Variants in ATRNL1 observed in about 807,000 individuals in gnomAD.
ATRNL1 encodes the protein attractin like 1, also known as attractin-like protein 1.
Under a neutral mutation model 182.7 loss-of-function variants are expected in ATRNL1, and 95 were observed. The observed-to-expected ratio is 0.52, with a 90% CI of 0.44 to 0.62. ATRNL1 has a LOEUF of 0.62. ATRNL1 is among the 20% of genes least tolerant of loss of function. The probability of loss-of-function intolerance (pLI) is 0.00; values close to 1 mark genes in which losing one functional copy is unlikely to be tolerated. For missense variants in ATRNL1, 1,471 were observed against 1,679.5 expected (o/e 0.88, Z 2.17); for synonymous variants, 576 against 568.3 (o/e 1.01, Z -0.19).
At chr10:115,631,118 A>G (rs1401191209) in intron 26 of ATRNL1, among the ~76,000 whole-genome samples, 1 of 152,072 alleles carries the variant, frequency 6.6e-6, no homozygotes, top group Non-Finnish European at 1.5e-5. Context: ...AACGTTTCAT[A>G]TACTAGAATG....
chr10:115,713,467 T>TTTGTGTGTGTGTGTGTGTG (rs1565310435), intron 26 of ATRNL1, among the ~76,000 whole-genome samples: 3 of 74,396 alleles, frequency 4.0e-5, no homozygotes, highest in African/African-American at 1.2e-4. Flanking sequence ...GTGTGTGTGT[T>TTTGTGTGTGTGTGTGTGTG]TGTGTGTGTG....
intron 28 of ATRNL1, among the ~76,000 whole-genome samples, chr10:115,915,384 C>G (rs993749762): frequency 4.0e-5 from 6 of 150,152 alleles, no homozygotes; most frequent in Non-Finnish European, 8.9e-5. Flanking sequence ...GGCAACAGAG[C>G]GAGACTCCAT....
At chr10:115,587,608 C>T (rs553247567) in intron 26 of ATRNL1, among the ~76,000 whole-genome samples, 1 of 150,598 alleles carries the variant, frequency 6.6e-6, no homozygotes, top group Non-Finnish European at 1.5e-5. Context: ...ATGCCTCGCC[C>T]GCTTCGGCTC....
At chr10:115,761,275 T>A (rs1555073563) in intron 27 of ATRNL1, among the ~76,000 whole-genome samples, 1 of 152,190 alleles carries the variant, frequency 6.6e-6, no homozygotes, top group Non-Finnish European at 1.5e-5. Context: ...ATAATTACAC[T>A]TTGTAAGTTT....
At chr10:115,241,449 G>T in intron 9 of ATRNL1, 122 bp from the exon 10 acceptor site, 1 of 523,630 alleles carries the variant, frequency 1.9e-6, no homozygotes, top group Non-Finnish European at 3.1e-6. Flanking sequence ...TAAAAAATAT[G>T]TTTTTTTCCC....
At chr10:115,875,604 C>A (rs1951682302) in intron 28 of ATRNL1, among the ~76,000 whole-genome samples, 1 of 152,168 alleles carries the variant, frequency 6.6e-6, no homozygotes, top group South Asian at 2.1e-4. Context: ...AATAATATTA[C>A]TTATGTGCAT....
chr10:115,324,071 C>G (rs764283106), intron 18 of ATRNL1, among the ~76,000 whole-genome samples: 93 of 152,216 alleles, frequency 6.1e-4, no homozygotes, highest in Non-Finnish European at 1.2e-3. Context: ...GCCACCGCGT[C>G]TGACCTATTT....
At chr10:115,792,895 AT>A (rs1164808694) in intron 27 of ATRNL1, among the ~76,000 whole-genome samples, 9 of 152,120 alleles carry the variant, frequency 5.9e-5, no homozygotes, top group African/African-American at 1.9e-4. Context: ...TGAAAAAAAA[AT>A]CATTCTTTCT....
chr10:115,409,408 T>C (rs1468202933), intron 20 of ATRNL1, among the ~76,000 whole-genome samples: 1 of 152,202 alleles, frequency 6.6e-6, no homozygotes, highest in African/African-American at 2.4e-5. Flanking sequence ...TTAATGTTGA[T>C]TTTGTAACCT....
chr10:115,373,256 G>T (rs563057275), intron 19 of ATRNL1, among the ~76,000 whole-genome samples: 1 of 151,992 alleles, frequency 6.6e-6, no homozygotes, highest in African/African-American at 2.4e-5. Flanking sequence ...TATTTCTAAT[G>T]GGTTTTTGGT....
chr10:115,423,777 G>T (rs1276564670), intron 20 of ATRNL1, among the ~76,000 whole-genome samples: 1 of 152,080 alleles, frequency 6.6e-6, no homozygotes, highest in Non-Finnish European at 1.5e-5. Context: ...AATCAAAATG[G>T]ATTAAAGATT....
chr10:115,628,076 G>A (rs1022974319), intron 26 of ATRNL1, among the ~76,000 whole-genome samples: 1 of 151,380 alleles, frequency 6.6e-6, no homozygotes, highest in Non-Finnish European at 1.5e-5. Context: ...GAACCCGGGA[G>A]GCGGAGGTTA....
intron 19 of ATRNL1, among the ~76,000 whole-genome samples, chr10:115,341,298 G>A (rs553007942): frequency 6.6e-6 from 1 of 152,000 alleles, no homozygotes; most frequent in South Asian, 2.1e-4. Context: ...GGAGCATATT[G>A]TTTAATTTCC....
chr10:115,536,847 G>T (rs1274200497), intron 25 of ATRNL1, among the ~76,000 whole-genome samples: 3 of 152,160 alleles, frequency 2.0e-5, no homozygotes, highest in Non-Finnish European at 4.4e-5. Flanking sequence ...AAGAAAAAAG[G>T]TGAACCTAAT....
chr10:115,105,413 A>G (rs1273555182), intron 1 of ATRNL1, among the ~76,000 whole-genome samples: 1 of 152,214 alleles, frequency 6.6e-6, no homozygotes, highest in African/African-American at 2.4e-5. Flanking sequence ...CCTGACAATG[A>G]TAGAAAAGAA....
intron 19 of ATRNL1, among the ~76,000 whole-genome samples, chr10:115,364,960 A>T (rs2134170597): frequency 6.6e-6 from 1 of 151,450 alleles, no homozygotes; most frequent in Admixed American, 6.6e-5. Context: ...AGGTTCATCA[A>T]GGATATTGGT....
chr10:115,937,325 T>G lies in ATRNL1; in HGVS notation c.4019-7333T>G, dbSNP rs868995717. 2.6e-5 allele frequency among the ~76,000 whole-genome samples: 4 copies of G among 152,366 alleles called. No homozygotes were observed. The Middle Eastern group carries it at 0.014, about 518-fold the overall frequency. On this transcript the variant is annotated intron_variant, in intron 28 of 28. Coordinates refer to ENST00000355044, the MANE Select transcript of ATRNL1 (RefSeq NM_207303.4). ...TCATTTGCACTGAAACATTGGCATCTGTAGTTGTCACTGGTTTTTAGTAGG... is the reference window on the plus strand; with the variant it reads ...TCATTTGCACTGAAACATTGGCATCGGTAGTTGTCACTGGTTTTTAGTAGG...
At chr10:115,828,087 G>C (rs1274225309) in intron 27 of ATRNL1, among the ~76,000 whole-genome samples, 2 of 152,184 alleles carry the variant, frequency 1.3e-5, no homozygotes, top group African/African-American at 4.8e-5. Flanking sequence ...GGAGACCGAG[G>C]TGGGCGGATC....
intron 28 of ATRNL1, among the ~76,000 whole-genome samples, chr10:115,897,739 G>A (rs957223451): frequency 1.2e-4 from 19 of 152,040 alleles, no homozygotes; most frequent in Non-Finnish European, 1.6e-4. Flanking sequence ...TGCAGTCCCC[G>A]GATTTTTAAA....
Sources: gnomAD v4.1 joint callset for allele counts (sites outside exome capture counted in the v4.1 genomes callset) on GRCh38, gnomAD v4.1.1 for gene constraint, MANE v1.5 for transcripts, NCBI Gene and HGNC (gene_info 2026-07-23, HGNC 2026-07-21) for gene names.